Variants in CDH8 observed in about 807,000 individuals in gnomAD.
CDH8 encodes the protein cadherin-8.
A neutral mutation model predicts 68.1 loss-of-function variants in CDH8; 17 were observed. That is an observed-to-expected ratio of 0.25 (90% CI 0.17 to 0.37). The LOEUF (loss-of-function observed/expected upper bound fraction) is 0.37, where lower values mean the gene tolerates loss of function less well. Among genes scored for constraint, CDH8 ranks in the 10% least tolerant of loss-of-function variants. The pLI, the probability that CDH8 is intolerant of heterozygous loss-of-function variation, is 1.00. For missense variants in CDH8, 763 were observed against 999.3 expected (o/e 0.76, Z 3.19); for synonymous variants, 372 against 365.1 (o/e 1.02, Z -0.21).
intron 2 of CDH8, among the ~76,000 whole-genome samples, chr16:62,007,305 A>G (rs76646340): frequency 0.02 from 3,013 of 152,298 alleles, 101 homozygotes; most frequent in African/African-American, 0.069. Flanking sequence ...AGCTGATGTC[A>G]TAGTCTGTAA....
chr16:61,978,122 T>G (rs1965471160), intron 2 of CDH8, among the ~76,000 whole-genome samples: 1 of 152,210 alleles, frequency 6.6e-6, no homozygotes, highest in Non-Finnish European at 1.5e-5. Context: ...CTTTGCCTAC[T>G]CCAACATTTT....
At chr16:61,838,635 T>C (rs1962617566) in intron 4 of CDH8, among the ~76,000 whole-genome samples, 1 of 152,150 alleles carries the variant, frequency 6.6e-6, no homozygotes, top group African/African-American at 2.4e-5. Context: ...GATTGATTTC[T>C]GAGAAACTTG....
At chr16:61,885,005 T>C (rs933886334) in intron 3 of CDH8, among the ~76,000 whole-genome samples, 8 of 152,168 alleles carry the variant, frequency 5.3e-5, no homozygotes, top group Non-Finnish European at 1.0e-4. Flanking sequence ...GTAGAGAGGA[T>C]CAACAAGATA....
At chr16:62,016,865 C>G (rs1458915264) in intron 2 of CDH8, among the ~76,000 whole-genome samples, 9 of 152,174 alleles carry the variant, frequency 5.9e-5, no homozygotes, top group African/African-American at 2.2e-4. Flanking sequence ...GTAAGAAAGA[C>G]AGTCTCCACA....
intron 9 of CDH8, chr16:61,726,279 C>T (rs1433662689): frequency 6.6e-6 from 1 of 150,882 alleles, no homozygotes; most frequent in Non-Finnish European, 1.5e-5. Flanking sequence ...ACTTTGGTAC[C>T]TTGTTAAAAT....
chr16:61,776,960 T>A (rs902003648), intron 8 of CDH8, among the ~76,000 whole-genome samples: 1 of 151,904 alleles, frequency 6.6e-6, no homozygotes, highest in Non-Finnish European at 1.5e-5. Flanking sequence ...AAATAAAAAT[T>A]TAAACACATT....
chr16:61,800,543 G>A (rs1961598329), intron 7 of CDH8, among the ~76,000 whole-genome samples: 1 of 151,990 alleles, frequency 6.6e-6, no homozygotes, highest in Non-Finnish European at 1.5e-5. Flanking sequence ...CCATGACTTC[G>A]ACCCATTAAG....
intron 1 of CDH8, among the ~76,000 whole-genome samples, chr16:62,029,833 C>T (rs994360587): frequency 1.3e-5 from 2 of 152,168 alleles, no homozygotes; most frequent in Admixed American, 6.5e-5. Flanking sequence ...AGATAATGCT[C>T]GTCAGAGATT....
intron 3 of CDH8, among the ~76,000 whole-genome samples, chr16:61,894,764 CGTT>C (rs145176147): frequency 6.6e-6 from 1 of 152,230 alleles, no homozygotes; most frequent in African/African-American, 2.4e-5. Context: ...ATTAAGAAGT[CGTT>C]GTTCAAGGAG....
intron 2 of CDH8, among the ~76,000 whole-genome samples, chr16:61,976,359 C>T (rs983987089): frequency 7.9e-5 from 12 of 152,188 alleles, no homozygotes; most frequent in African/African-American, 2.9e-4. Context: ...TTAGGAATAG[C>T]CCAGGTTGAT....
At chr16:61,765,945 T>A (rs974652281) in intron 8 of CDH8, among the ~76,000 whole-genome samples, 1 of 152,062 alleles carries the variant, frequency 6.6e-6, no homozygotes, top group Admixed American at 6.6e-5. Context: ...GACCTTGAGG[T>A]AACCATTTCC....
chr16:62,015,432 A>G (rs1310212945), intron 2 of CDH8, among the ~76,000 whole-genome samples: 1 of 152,050 alleles, frequency 6.6e-6, no homozygotes, highest in African/African-American at 2.4e-5. Context: ...TTCCAGTTCC[A>G]TAGGGGTTTG....
chr16:61,870,720 C>T (rs181097679), intron 3 of CDH8, among the ~76,000 whole-genome samples: 1 of 152,278 alleles, frequency 6.6e-6, no homozygotes, highest in East Asian at 1.9e-4. Flanking sequence ...CTCCAGAGGT[C>T]CTGACAACAT....
At chr16:61,672,154 T>C (rs1336276163) in intron 10 of CDH8, among the ~76,000 whole-genome samples, 1 of 152,086 alleles carries the variant, frequency 6.6e-6, no homozygotes, top group African/African-American at 2.4e-5. Context: ...GGATGTGTGG[T>C]ACTTCCTGGT....
At chr16:61,769,057 A>T (rs1960710113) in intron 8 of CDH8, among the ~76,000 whole-genome samples, 1 of 151,784 alleles carries the variant, frequency 6.6e-6, no homozygotes, top group African/African-American at 2.4e-5. Flanking sequence ...AGAAGCACAG[A>T]TTCCATTGGC....
chr16:61,960,213 G>GTGTGTGTATACACATACATATATACA (rs1567546115), intron 2 of CDH8, among the ~76,000 whole-genome samples: 4 of 23,082 alleles, frequency 1.7e-4, no homozygotes, highest in Non-Finnish European at 2.8e-4. Context: ...ATATATACAT[G>GTGTGTGTATACACATACATATATACA]TGTGTGTGTA....
Position 61,652,555 on chromosome 16 carries a change from A to G in CDH8, c.*1053T>C, listed in dbSNP as rs1963343824. 9.5e-7 allele frequency: 1 copy of G among 1,052,166 alleles called. No homozygotes were observed. Among genetic ancestry groups the G allele is most frequent in the Non-Finnish European group, 1.1e-6 (1 of 873,222 alleles). The allele number at this position is 1,052,166 out of a possible 1,614,324, so 65.2% of individuals were successfully genotyped here. A position where few individuals can be genotyped will look rare whatever the true frequency, so the allele number is the denominator to read the frequency against. On this transcript the variant is annotated 3_prime_UTR_variant, in exon 12 of 12. Coordinates refer to ENST00000577390, the MANE Select transcript of CDH8 (RefSeq NM_001796.5). The stretch of plus-strand genomic sequence containing the variant: ...CAATAACACTTTCTACTCTAAAGAG[A>G]CTATTAGCTCTCCTTTCGATAATAT...
intron 3 of CDH8, among the ~76,000 whole-genome samples, chr16:61,886,548 G>A (rs1162128243): frequency 2.0e-5 from 3 of 152,174 alleles, no homozygotes; most frequent in East Asian, 1.9e-4. Context: ...ATAGATGGAA[G>A]TATCATCGAA....
intron 3 of CDH8, among the ~76,000 whole-genome samples, chr16:61,877,974 C>T (rs146327453): frequency 5.1e-4 from 78 of 152,226 alleles, no homozygotes; most frequent in African/African-American, 1.9e-3. Context: ...CATGTATTAG[C>T]GGTTGCTGTG....
Sources: allele counts gnomAD v4.1 joint callset (sites outside exome capture counted in the v4.1 genomes callset), GRCh38; gene constraint gnomAD v4.1.1; transcripts MANE v1.5; gene names NCBI Gene and HGNC (gene_info 2026-07-23, HGNC 2026-07-21).